The following PPP2R2B variants were observed in gnomAD, a reference collection of about 807,000 sequenced individuals.
The protein encoded by PPP2R2B is protein phosphatase 2 regulatory subunit Bbeta, also known as serine/threonine-protein phosphatase 2A 55 kDa regulatory subunit B beta isoform.
A neutral mutation model predicts 46.0 loss-of-function variants in PPP2R2B; 5 were observed. The observed-to-expected ratio is 0.11, with a 90% CI of 0.06 to 0.23. The LOEUF is 0.23. Among genes scored for constraint, PPP2R2B ranks in the 10% least tolerant of loss-of-function variants. The probability of loss-of-function intolerance (pLI) is 1.00; values close to 1 mark genes in which losing one functional copy is unlikely to be tolerated. For synonymous variants in PPP2R2B, 215 were observed against 206.7 expected, an observed-to-expected ratio of 1.04 and a Z score of -0.34; for missense variants, 367 against 575.0, an observed-to-expected ratio of 0.64 and a Z score of 3.70.
Position 146,589,760 on chromosome 5 carries a change from A to G in PPP2R2B, c.*187T>C, listed in dbSNP as rs77237335. 3.4e-3 allele frequency: 2,122 copies of G among 624,810 alleles called. 40 individuals carry two copies. Among genetic ancestry groups the G allele is most frequent in the South Asian group, 0.029 (1,415 of 48,802 alleles). The allele number at this position is 624,810 out of a possible 1,614,324, so 38.7% of individuals were successfully genotyped here. On this transcript the variant is annotated 3_prime_UTR_variant, in exon 10 of 10. Coordinates refer to ENST00000394411, the MANE Select transcript of PPP2R2B (RefSeq NM_181675.4). ...TTCTAAACAGAAGTGTCCCAAACCTATTGGGTTTGACAAAAGTTTCTTAGA... is the reference window on the plus strand; with the variant it reads ...TTCTAAACAGAAGTGTCCCAAACCTGTTGGGTTTGACAAAAGTTTCTTAGA...
chr5:146,840,102 G>GT lies in PPP2R2B; in HGVS notation c.70+37899dup, dbSNP rs767950378. 1.7e-4 allele frequency among the ~76,000 whole-genome samples: 26 copies of GT among 152,250 alleles called. No homozygotes were observed. In the East Asian group the frequency reaches 4.3e-3, roughly 25 times the overall value. On this transcript the variant is annotated intron_variant, in intron 2 of 9. Transcript: ENST00000394411. ...ATGAAAAGTTAATTATGTTGATTCT[G>GT]TTTTTTTCTATGAGAATTTCTATTT...
chr5:147,008,444 G>A (rs1754554456), intron 1 of PPP2R2B, among the ~76,000 whole-genome samples: 1 of 152,004 alleles, frequency 6.6e-6, no homozygotes, highest in Admixed American at 6.6e-5. Flanking sequence ...TCTTCACCCT[G>A]GTGTCTATGC....
At chr5:147,016,551 T>TAA (rs199602304) in intron 1 of PPP2R2B, among the ~76,000 whole-genome samples, 1 of 150,492 alleles carries the variant, frequency 6.6e-6, no homozygotes, top group Non-Finnish European at 1.5e-5. Context: ...TGAGAAAACA[T>TAA]AGGGGACACA....
intron 2 of PPP2R2B, among the ~76,000 whole-genome samples, chr5:146,771,627 C>T (rs1754860438): frequency 6.6e-6 from 1 of 152,170 alleles, no homozygotes; most frequent in Admixed American, 6.5e-5. Context: ...TCCTGCCCTT[C>T]TTGAACAATA....
intron 2 of PPP2R2B, among the ~76,000 whole-genome samples, chr5:146,866,780 G>T (rs532726808): frequency 1.3e-5 from 2 of 152,082 alleles, no homozygotes; most frequent in Non-Finnish European, 2.9e-5. Flanking sequence ...CAAGCACTCA[G>T]TATATAGTGG....
chr5:147,024,052 T>C (rs1347773272), intron 1 of PPP2R2B, among the ~76,000 whole-genome samples: 1 of 152,214 alleles, frequency 6.6e-6, no homozygotes, highest in Non-Finnish European at 1.5e-5. Context: ...CAGACTGAGT[T>C]ACACTACTGG....
At chr5:147,042,415 A>C (rs1018649175) in intron 1 of PPP2R2B, among the ~76,000 whole-genome samples, 3 of 152,098 alleles carry the variant, frequency 2.0e-5, no homozygotes, top group Non-Finnish European at 2.9e-5. Flanking sequence ...GAGATCTCCT[A>C]ATTAAAAATG....
intron 1 of PPP2R2B, among the ~76,000 whole-genome samples, chr5:147,022,557 C>CAAAAA (rs35755206): frequency 6.8e-6 from 1 of 147,166 alleles, no homozygotes; most frequent in Non-Finnish European, 1.5e-5. Context: ...AGGCTCCATC[C>CAAAAA]AAAAAAAAAA....
At chr5:146,634,941 A>G (rs1774706320) in intron 7 of PPP2R2B, among the ~76,000 whole-genome samples, 1 of 152,220 alleles carries the variant, frequency 6.6e-6, no homozygotes, top group Non-Finnish European at 1.5e-5. Flanking sequence ...AAATAAATGA[A>G]TAATGAGGCC....
chr5:147,027,012 T>A (rs752278397), intron 1 of PPP2R2B, among the ~76,000 whole-genome samples: 1 of 152,210 alleles, frequency 6.6e-6, no homozygotes, highest in African/African-American at 2.4e-5. Flanking sequence ...TTTTTCATAA[T>A]AGAAACTGGA....
chr5:146,875,295 A>T (rs1582330994), intron 2 of PPP2R2B, among the ~76,000 whole-genome samples: 1 of 152,156 alleles, frequency 6.6e-6, no homozygotes, highest in Non-Finnish European at 1.5e-5. Flanking sequence ...AGAGGAGGAA[A>T]GGTAGGGGAG....
intron 2 of PPP2R2B, among the ~76,000 whole-genome samples, chr5:146,747,854 T>A (rs1416133493): frequency 6.6e-6 from 1 of 152,194 alleles, no homozygotes; most frequent in African/African-American, 2.4e-5. Flanking sequence ...ACAGAACAGT[T>A]GTGAATTTTT....
At chr5:146,688,382 C>T (rs1309290659) in intron 5 of PPP2R2B, among the ~76,000 whole-genome samples, 1 of 151,676 alleles carries the variant, frequency 6.6e-6, no homozygotes, top group African/African-American at 2.4e-5. Flanking sequence ...GACCGCAGAC[C>T]CCCTTGTCTC....
intron 5 of PPP2R2B, among the ~76,000 whole-genome samples, chr5:146,664,091 T>G (rs1038352552): frequency 1.3e-5 from 2 of 152,010 alleles, no homozygotes; most frequent in Admixed American, 1.3e-4. Flanking sequence ...CCACCCACCT[T>G]GGACTCCCAA....
intron 1 of PPP2R2B, among the ~76,000 whole-genome samples, chr5:147,036,286 C>A (rs1186176771): frequency 2.0e-5 from 3 of 152,130 alleles, no homozygotes; most frequent in Non-Finnish European, 4.4e-5. Flanking sequence ...TGTTCCTGTG[C>A]TAGTTTGCCA....
At chr5:146,852,489 G>A (rs984908824) in intron 2 of PPP2R2B, among the ~76,000 whole-genome samples, 16 of 152,082 alleles carry the variant, frequency 1.1e-4, no homozygotes, top group Non-Finnish European at 2.4e-4. Flanking sequence ...GGAAAGCCCC[G>A]TTATCAGGCC....
intron 9 of PPP2R2B, 45 bp downstream of exon 9, chr5:146,592,926 C>G: frequency 6.5e-7 from 1 of 1,550,138 alleles, no homozygotes; most frequent in South Asian, 1.1e-5. Flanking sequence ...TGAGCCTCTT[C>G]AAGACAATCT....
intron 6 of PPP2R2B, among the ~76,000 whole-genome samples, chr5:146,644,438 T>C (rs112147131): frequency 6.1e-4 from 93 of 152,240 alleles, no homozygotes; most frequent in African/African-American, 2.1e-3. Flanking sequence ...TTTTTGGTCA[T>C]TTTATTTTCC....
intron 2 of PPP2R2B, among the ~76,000 whole-genome samples, chr5:146,876,427 T>C (rs2151417994): frequency 6.6e-6 from 1 of 152,310 alleles, no homozygotes; most frequent in African/African-American, 2.4e-5. Context: ...TCTCTTTCTT[T>C]GTGGTTACAA....
Sources: gnomAD v4.1 joint callset for allele counts (sites outside exome capture counted in the v4.1 genomes callset) on GRCh38, gnomAD v4.1.1 for gene constraint, MANE v1.5 for transcripts, NCBI Gene and HGNC (gene_info 2026-07-23, HGNC 2026-07-21) for gene names.